Variants in TASP1 observed in about 807,000 individuals in gnomAD.
TASP1 encodes threonine aspartase 1.
TASP1 carries 16 observed loss-of-function variants against 56.6 expected under a neutral mutation model. The observed-to-expected ratio is 0.28, with a 90% CI of 0.19 to 0.43. TASP1 has a LOEUF of 0.43. Ranked by LOEUF, TASP1 falls within the 20% of genes least tolerant of loss-of-function variation. The pLI is 1.00. For synonymous variants in TASP1, 179 were observed against 184.2 expected, an observed-to-expected ratio of 0.97 and a Z score of 0.23; for missense variants, 393 against 511.6, an observed-to-expected ratio of 0.77 and a Z score of 2.24.
In TASP1 at chr20:13,417,454, T is replaced by C; in HGVS notation, c.1164A>G (p.Lys388=). The C allele has an allele frequency of 1.2e-6, 2 of 1,614,176 alleles. No homozygotes were observed. The highest frequency in any genetic ancestry group is 1.7e-6 in the Non-Finnish European group (2 of 1,180,002). The change falls in exon 13 of 14, where the codon AAA becomes AAG. Residue 388 remains lysine, a synonymous_variant. Transcript: ENST00000337743. ...CVGYMSAQDG[K]AKTHISRLPP... ...ACCGTTTTTTCCCACTTACCTTGGCTTTCCCATCCTGGGCTGACATATATC... is the reference window on the plus strand; with the variant it reads ...ACCGTTTTTTCCCACTTACCTTGGCCTTCCCATCCTGGGCTGACATATATC...
At chr20:13,164,816 G>T in the TASP1 span, 1 of 1,613,872 alleles carries the variant, frequency 6.2e-7, no homozygotes, top group Non-Finnish European at 8.5e-7. Context: ...GGCACAAGAA[G>T]TCAGCACGTC....
At chr20:13,304,370 C>T in the TASP1 span, among the ~76,000 whole-genome samples, 1 of 152,132 alleles carries the variant, frequency 6.6e-6, no homozygotes, top group Non-Finnish European at 1.5e-5. Flanking sequence ...GGGAGAGGTC[C>T]TTCTCACTCC....
chr20:13,634,680 A>G (rs2049226719), intron 1 of TASP1, among the ~76,000 whole-genome samples: 1 of 150,528 alleles, frequency 6.6e-6, no homozygotes, highest in South Asian at 2.1e-4. Context: ...CAGTGAGTCA[A>G]GATTGCGCCA....
chr20:13,500,297 G>GT (rs2043898908), intron 10 of TASP1, among the ~76,000 whole-genome samples: 1 of 142,380 alleles, frequency 7.0e-6, no homozygotes, highest in Non-Finnish European at 1.5e-5. Flanking sequence ...TGTCATACTA[G>GT]ATGCATGGAA....
At chr20:13,601,631 CCTT>C (rs1440984931) in intron 4 of TASP1, among the ~76,000 whole-genome samples, 2 of 152,048 alleles carry the variant, frequency 1.3e-5, no homozygotes, top group South Asian at 2.1e-4. Context: ...ACTCCCCACT[CCTT>C]AAGTGTGAGG....
At chr20:13,596,037 C>T (rs2147317515) in intron 4 of TASP1, among the ~76,000 whole-genome samples, 1 of 152,292 alleles carries the variant, frequency 6.6e-6, no homozygotes, top group East Asian at 1.9e-4. Context: ...TCTCAGACCA[C>T]AGTGCAATCA....
At chr20:13,333,145 C>T in the TASP1 span, among the ~76,000 whole-genome samples, 1 of 152,236 alleles carries the variant, frequency 6.6e-6, no homozygotes, top group East Asian at 1.9e-4. Context: ...AGCATGGTCC[C>T]TGTGCCACTG....
intron 5 of TASP1, among the ~76,000 whole-genome samples, chr20:13,581,812 T>C (rs1175146937): frequency 6.6e-6 from 1 of 152,202 alleles, no homozygotes. Flanking sequence ...AGTTAGCTGA[T>C]CCTTCAATTC....
intron 7 of TASP1, among the ~76,000 whole-genome samples, chr20:13,568,288 C>G (rs901295450): frequency 7.9e-5 from 12 of 152,130 alleles, no homozygotes; most frequent in African/African-American, 2.7e-4. Flanking sequence ...GCTGAGAGTA[C>G]AGGAGTGCAC....
downstream of TASP1, among the ~76,000 whole-genome samples, chr20:13,386,974 A>G (rs12480263): frequency 4.5e-3 from 678 of 152,210 alleles, 2 homozygotes; most frequent in East Asian, 0.01. Context: ...CCAGTTAATC[A>G]GCATAGGACC....
chr20:13,312,524 T>C, the TASP1 span, among the ~76,000 whole-genome samples: 1 of 152,174 alleles, frequency 6.6e-6, no homozygotes, highest in Admixed American at 6.5e-5. Context: ...CTCGGAACCA[T>C]GTTCTAAATT....
intron 11 of TASP1, among the ~76,000 whole-genome samples, chr20:13,437,275 A>G (rs1360092260): frequency 1.3e-5 from 2 of 152,212 alleles, no homozygotes; most frequent in African/African-American, 2.4e-5. Flanking sequence ...TTATCTCAAT[A>G]GATGCAGAAA....
At chr20:13,297,013 A>T in the TASP1 span, among the ~76,000 whole-genome samples, 1 of 151,584 alleles carries the variant, frequency 6.6e-6, no homozygotes, top group East Asian at 2.0e-4. Flanking sequence ...GTGAGACTCC[A>T]TCCACTCACT....
intron 4 of TASP1, among the ~76,000 whole-genome samples, chr20:13,620,881 A>G (rs931741025): frequency 6.6e-6 from 1 of 152,192 alleles, no homozygotes; most frequent in Non-Finnish European, 1.5e-5. Context: ...AAGCTATTAC[A>G]ATACTACCCC....
chr20:13,284,738 A>G, the TASP1 span, among the ~76,000 whole-genome samples: 1 of 152,222 alleles, frequency 6.6e-6, no homozygotes, highest in Admixed American at 6.5e-5. Flanking sequence ...CCTAGGAGGC[A>G]GTTTCACTTC....
chr20:13,465,236 T>A (rs1395838064), intron 11 of TASP1, among the ~76,000 whole-genome samples: 1 of 146,398 alleles, frequency 6.8e-6, no homozygotes, highest in Non-Finnish European at 1.5e-5. Context: ...GTAAATTTCA[T>A]GCCATGTGTA....
the TASP1 span, among the ~76,000 whole-genome samples, chr20:13,149,257 T>C: frequency 2.4e-4 from 36 of 152,358 alleles, no homozygotes; most frequent in African/African-American, 8.7e-4. Context: ...CTGAGTGTCT[T>C]GAAGGGGATG....
chr20:13,585,850 C>T lies in TASP1; in HGVS notation c.403+1400G>A, dbSNP rs147409705. Among the ~76,000 whole-genome samples, 27 of 152,210 alleles carry T rather than the reference C, an allele frequency of 1.8e-4. 2 individuals carry two copies. In the East Asian group the frequency reaches 4.8e-3, roughly 27 times the overall value. ...GCATATGTACCTAAAGAAGTACATA[C>T]GTGGCCAGGCACAGTGGCTCACGCC... On this transcript the variant is annotated intron_variant, in intron 5 of 13. Transcript: ENST00000337743.
At chr20:13,590,039 C>T (rs2047462609) in intron 4 of TASP1, among the ~76,000 whole-genome samples, 1 of 152,064 alleles carries the variant, frequency 6.6e-6, no homozygotes, top group South Asian at 2.1e-4. Flanking sequence ...CAAAACAAGC[C>T]TGGCCAACAT....
Sources: gnomAD v4.1 joint callset for allele counts (sites outside exome capture counted in the v4.1 genomes callset) on GRCh38, gnomAD v4.1.1 for gene constraint, MANE v1.5 for transcripts, NCBI Gene and HGNC (gene_info 2026-07-23, HGNC 2026-07-21) for gene names.